NOX5: variants seen among roughly 807,000 people sequenced by gnomAD.
The protein encoded by NOX5 is NADPH oxidase 5.
A neutral mutation model predicts 85.7 loss-of-function variants in NOX5; 76 were observed. The ratio of observed to expected loss-of-function variants is 0.89; its 90% CI spans 0.74 to 1.07. The LOEUF (loss-of-function observed/expected upper bound fraction) is 1.07. NOX5 is among the 50% of genes least tolerant of loss of function. The probability of loss-of-function intolerance (pLI) is 0.00; values close to 1 mark genes in which losing one functional copy is unlikely to be tolerated. For synonymous variants in NOX5, 405 were observed against 401.4 expected (o/e 1.01, Z -0.11); for missense variants, 973 against 999.5 (o/e 0.97, Z 0.36).
At chr15:69,046,945 G>T (rs1349003453) in intron 11 of NOX5, 79 bp downstream of exon 11, 13 of 1,495,746 alleles carry the variant, frequency 8.7e-6, no homozygotes, top group Non-Finnish European at 1.2e-5. Context: ...TTTAAGGAGG[G>T]GCTGTTGTGG....
Position 69,037,037 on chromosome 15 carries a change from TG to T in NOX5, c.1200del (p.Trp400Ter), listed in dbSNP as rs866299129. 1 of 1,613,480 alleles carries T rather than the reference TG, an allele frequency of 6.2e-7. No homozygotes were observed. The highest frequency in any genetic ancestry group is 1.3e-5 in the African/African-American group (1 of 74,974). The part of the protein sequence containing the change: ...RRSGHFEVFY[W>X]THLSYLLVWL... ...CCCCCTACCCCCATAGGTGTTCTATTGGACTCACCTGTCCTACCTCCTCGTG... is the reference window on the plus strand; with the variant it reads ...CCCCCTACCCCCATAGGTGTTCTATTGACTCACCTGTCCTACCTCCTCGTG... On this transcript the variant is annotated frameshift_variant, in exon 8 of 16. Transcript: ENST00000388866. LOFTEE classifies it high-confidence loss of function.
Position 69,060,616 on chromosome 15 carries a change from T to G in NOX5, c.*3920T>G, listed in dbSNP as rs1211796469. 1 of 152,228 alleles carries G rather than the reference T, an allele frequency of 6.6e-6. No homozygotes were observed. The highest frequency in any genetic ancestry group is 2.4e-5 in the African/African-American group (1 of 41,458). The allele number at this position is 152,228 out of a possible 1,614,324, so 9.4% of individuals were successfully genotyped here. On this transcript the variant is annotated 3_prime_UTR_variant, in exon 16 of 16. Coordinates refer to ENST00000388866, the MANE Select transcript of NOX5 (RefSeq NM_024505.4). ...TTTTGTGTTTTTGTTTTTGTTTTAC[T>G]TTTTGCCCTTCTGTAAAGTTTAAGT...
At chr15:69,034,884 A>G in intron 5 of NOX5, among the ~76,000 whole-genome samples, 1 of 152,040 alleles carries the variant, frequency 6.6e-6, no homozygotes, top group East Asian at 1.9e-4. Flanking sequence ...TCAGCCCCCT[A>G]AGTAGCTAGG....
intron 1 of NOX5, chr15:69,023,443 C>A (rs923201290): frequency 1.2e-5 from 5 of 426,250 alleles, no homozygotes. Flanking sequence ...TTATAGGTGC[C>A]ATTTACTTTG....
At chr15:69,021,407 T>C (rs980380825) in intron 1 of NOX5, among the ~76,000 whole-genome samples, 1 of 150,898 alleles carries the variant, frequency 6.6e-6, no homozygotes, top group African/African-American at 2.4e-5. Context: ...AACCTCTGCC[T>C]CCTGGGTTCA....
At chr15:69,037,268 G>T in intron 8 of NOX5, 58 bp downstream of exon 8, 1 of 1,528,926 alleles carries the variant, frequency 6.5e-7, no homozygotes, top group African/African-American at 1.4e-5. Flanking sequence ...GACAGTTTGT[G>T]GGGTGGAGCA....
At chr15:69,033,552 A>G (rs1180885540) in intron 5 of NOX5, among the ~76,000 whole-genome samples, 1 of 151,818 alleles carries the variant, frequency 6.6e-6, no homozygotes, top group Non-Finnish European at 1.5e-5. Context: ...GATCTTCACA[A>G]CTCCCCTATA....
intron 7 of NOX5, among the ~76,000 whole-genome samples, chr15:69,036,727 C>G (rs1011904683): frequency 3.3e-5 from 5 of 152,112 alleles, no homozygotes; most frequent in Admixed American, 3.3e-4. Flanking sequence ...GAGAATGGGT[C>G]GGGGGTAGCG....
At chr15:69,033,590 A>T (rs2050470737) in intron 5 of NOX5, among the ~76,000 whole-genome samples, 1 of 152,066 alleles carries the variant, frequency 6.6e-6, no homozygotes, top group South Asian at 2.1e-4. Flanking sequence ...AGCACCTTCA[A>T]GAGGAAACCC....
chr15:69,015,128 C>T (rs770130037), intron 1 of NOX5, among the ~76,000 whole-genome samples: 8 of 152,214 alleles, frequency 5.3e-5, no homozygotes, highest in African/African-American at 9.6e-5. Flanking sequence ...GGTCATTCAG[C>T]TGGTGCAAAG....
intron 9 of NOX5, among the ~76,000 whole-genome samples, chr15:69,040,289 A>G (rs937236038): frequency 4.6e-5 from 7 of 152,256 alleles, no homozygotes; most frequent in African/African-American, 4.8e-5. Flanking sequence ...AAGAACGTCT[A>G]TGCTCTCAGA....
chr15:69,032,479 C>T (rs2050449809), intron 4 of NOX5, among the ~76,000 whole-genome samples: 1 of 150,686 alleles, frequency 6.6e-6, no homozygotes, highest in South Asian at 2.1e-4. Context: ...GGTATGATCT[C>T]GGCTCACCGC....
chr15:69,026,716 G>A (rs2050363048), intron 2 of NOX5, 65 bp downstream of exon 2: 3 of 1,605,410 alleles, frequency 1.9e-6, no homozygotes, highest in Non-Finnish European at 2.6e-6. Flanking sequence ...TCAGGGCATA[G>A]CCCTTACAGG....
intron 1 of NOX5, among the ~76,000 whole-genome samples, chr15:69,021,154 A>G (rs2050291049): frequency 6.6e-6 from 1 of 151,944 alleles, no homozygotes; most frequent in Admixed American, 6.6e-5. Flanking sequence ...TTTCCTTTTC[A>G]TATGCTCTTT....
At chr15:69,045,488 TCCTC>T (rs1040892870) in intron 10 of NOX5, among the ~76,000 whole-genome samples, 6 of 142,998 alleles carry the variant, frequency 4.2e-5, no homozygotes, top group African/African-American at 1.0e-4. Flanking sequence ...CTTCCTCCCT[TCCTC>T]CCTCCCTCCC....
intron 5 of NOX5, among the ~76,000 whole-genome samples, chr15:69,033,684 TTTTC>T (rs1338905577): frequency 1.3e-5 from 2 of 150,518 alleles, no homozygotes; most frequent in South Asian, 2.1e-4. Context: ...GTGTTTTTTT[TTTTC>T]TTTCTTTTTT....
At chr15:69,034,668 C>T (rs1202961071) in intron 5 of NOX5, among the ~76,000 whole-genome samples, 1 of 152,240 alleles carries the variant, frequency 6.6e-6, no homozygotes, top group South Asian at 2.1e-4. Flanking sequence ...TCCTGCAAGG[C>T]ACCTCGAGAA....
rs1053470579 is a variant in NOX5 at position 69,057,967 on chromosome 15, G to A, written c.*1271G>A. 1.3e-5 allele frequency: 2 copies of A among 152,410 alleles called. No homozygotes were observed. The highest frequency in any genetic ancestry group is 2.4e-5 in the African/African-American group (1 of 41,436). The allele number at this position is 152,410 out of a possible 1,614,324, so 9.4% of individuals were successfully genotyped here. On this transcript the variant is annotated 3_prime_UTR_variant, in exon 16 of 16. Transcript: ENST00000388866. ...CATACTGTGGGGAGGAGCGGCCCTG[G>A]GCAGAGGACAGGGTGGGCCTCACCT...
In NOX5 at chr15:69,033,178, C is replaced by T; in HGVS notation, c.756C>T (p.Leu252=). 4 of 1,589,518 alleles carry T rather than the reference C, an allele frequency of 2.5e-6. No individual in the cohort carries two copies. The highest frequency in any genetic ancestry group is 2.6e-6 in the Non-Finnish European group (3 of 1,175,200). ...CCTATGCAGGCCTCCACGTGCTGCT[C>T]TTCGGGCTGGCGGCCAGCGCGCACC... ...LATYAGLHVL[L]FGLAASAHRD... The change falls in exon 5 of 16, where the codon CTC becomes CTT. Residue 252 remains leucine (L), a synonymous_variant. Transcript: ENST00000388866.
Sources: gnomAD v4.1 joint callset for allele counts (sites outside exome capture counted in the v4.1 genomes callset) on GRCh38, gnomAD v4.1.1 for gene constraint, MANE v1.5 for transcripts, NCBI Gene and HGNC (gene_info 2026-07-23, HGNC 2026-07-21) for gene names.